TGM6: variants seen among roughly 807,000 people sequenced by gnomAD.
The protein encoded by TGM6 is transglutaminase 6.
Under a neutral mutation model 77.5 loss-of-function variants are expected in TGM6, and 74 were observed. That is an observed-to-expected ratio of 0.96 (90% CI 0.79 to 1.16). TGM6 has a LOEUF of 1.16. Among genes scored for constraint, TGM6 ranks in the 50% most tolerant of loss-of-function variants. The probability of loss-of-function intolerance (pLI) is 0.00; values close to 1 mark genes in which losing one functional copy is unlikely to be tolerated. For missense variants in TGM6, 968 were observed against 940.2 expected, an observed-to-expected ratio of 1.03 and a Z score of -0.39; for synonymous variants, 383 against 378.9, an observed-to-expected ratio of 1.01 and a Z score of -0.12.
intron 1 of TGM6, among the ~76,000 whole-genome samples, chr20:2,388,966 T>A (rs1213157637): frequency 6.6e-6 from 1 of 152,176 alleles, no homozygotes; most frequent in East Asian, 1.9e-4. Context: ...TCAGTATACA[T>A]CTCAGCTCAA....
chr20:2,382,329 T>C (rs562239827), intron 1 of TGM6, among the ~76,000 whole-genome samples: 44 of 152,168 alleles, frequency 2.9e-4, no homozygotes, highest in African/African-American at 1.0e-3. Flanking sequence ...AGAGCTGGGG[T>C]TGCCTCCCTG....
Position 2,399,638 on chromosome 20 carries a change from C to G in TGM6, c.750C>G (p.His250Gln). The change falls in exon 6 of 13, where the codon CAC (histidine) becomes CAG (glutamine). Residue 250 changes from histidine to glutamine, a missense_variant. Coordinates refer to ENST00000202625, the MANE Select transcript of TGM6 (RefSeq NM_198994.3). ...ACGGCGGCGGCACCAGCCCGCTGCA[C>G]TGGCGCGGCAGCGTGGCCATTCTGC... is the stretch of plus-strand genomic sequence containing the variant. ...GKYGGGTSPLHWRGSVAILQK... is the reference protein window; with the variant it reads ...GKYGGGTSPLQWRGSVAILQK... 6.2e-7 allele frequency: 1 copy of G among 1,613,744 alleles called. No homozygotes were observed.
At chr20:2,406,632 T>TTGAG (rs1411233315) in intron 9 of TGM6, among the ~76,000 whole-genome samples, 7 of 151,062 alleles carry the variant, frequency 4.6e-5, no homozygotes, top group African/African-American at 1.7e-4. Flanking sequence ...GGTCAAGAGT[T>TTGAG]CGAGACCAGC....
At chr20:2,383,295 G>T (rs977906344) in intron 1 of TGM6, among the ~76,000 whole-genome samples, 1 of 152,240 alleles carries the variant, frequency 6.6e-6, no homozygotes, top group Non-Finnish European at 1.5e-5. Context: ...AAAGAATTGG[G>T]GAGGATTGTA....
chr20:2,388,682 G>A (rs1350519795), intron 1 of TGM6, among the ~76,000 whole-genome samples: 1 of 151,296 alleles, frequency 6.6e-6, no homozygotes, highest in African/African-American at 2.4e-5. Context: ...CTGTGACATT[G>A]AGTTAACAGC....
intron 1 of TGM6, among the ~76,000 whole-genome samples, chr20:2,387,789 C>T (rs528894220): frequency 3.3e-5 from 5 of 152,346 alleles, no homozygotes; most frequent in Non-Finnish European, 5.9e-5. Context: ...GGGCAGAGCT[C>T]GGCAGGGACA....
Position 2,395,363 on chromosome 20 carries a change from G to A in TGM6, c.351G>A (p.Arg117=), listed in dbSNP as rs2122348026. The A allele has an allele frequency of 6.2e-7, 1 of 1,614,248 alleles. No individual in the cohort carries two copies. The highest frequency in any genetic ancestry group is 8.5e-7 in the Non-Finnish European group (1 of 1,180,046). ...AVIGRYLLSI[R]LSSHRKHSNR... is the part of the protein sequence containing the mutation. ...TTGGCCGCTACCTGCTGAGCATCAGGCTTTCCTCTCACCGCAAACACAGCA... is the reference window on the plus strand; with the variant it reads ...TTGGCCGCTACCTGCTGAGCATCAGACTTTCCTCTCACCGCAAACACAGCA... Residue 117 remains arginine, a synonymous_variant, in exon 3 of 13, where the codon AGG becomes AGA. Coordinates refer to ENST00000202625, the MANE Select transcript of TGM6 (RefSeq NM_198994.3).
chr20:2,426,406 T>A (rs2084888039), intron 10 of TGM6, among the ~76,000 whole-genome samples: 1 of 152,194 alleles, frequency 6.6e-6, no homozygotes, highest in South Asian at 2.1e-4. Context: ...TTTTTGTTTG[T>A]TGTTGTTGAC....
At chr20:2,388,341 GA>G (rs1269045837) in intron 1 of TGM6, among the ~76,000 whole-genome samples, 1 of 152,212 alleles carries the variant, frequency 6.6e-6, no homozygotes, top group Non-Finnish European at 1.5e-5. Flanking sequence ...TGCCTGTGGT[GA>G]AGCTCACGTT....
chr20:2,432,022 T>C (rs556022933), intron 12 of TGM6, among the ~76,000 whole-genome samples: 60 of 152,176 alleles, frequency 3.9e-4, no homozygotes, highest in African/African-American at 1.4e-3. Flanking sequence ...GAAAATTAAA[T>C]TGGAAATATG....
rs762770561 is a variant in TGM6, at chr20:2,417,334, GTC to G, written c.1443_1444del (p.Trp482AlafsTer2). The G allele has an allele frequency of 2.5e-6, 4 of 1,613,946 alleles. No homozygotes were observed. The African/African-American group carries it at 5.3e-5, about 22-fold the overall frequency. Reference sequence around the variant, plus strand: ...TGGATCCGCAGGGCTGGGGGTCGCTGTCTCTGGCGTGACGACCTCCTGGAGCC... The same window carrying G: ...TGGATCCGCAGGGCTGGGGGTCGCTGTCTGGCGTGACGACCTCCTGGAGCC... On this transcript the variant is annotated frameshift_variant, in exon 10 of 13. Transcript: ENST00000202625. LOFTEE classifies it high-confidence loss of function.
At position 2,388,591 on chromosome 20, in the gene TGM6, G is replaced by A. The variant is rs199700077; in HGVS notation, c.8-5861G>A. ...GTTGGAGACCAGCCTGGTCAACATA[G>A]CAAGACCCTATCTCAAATTAAAAAC... On this transcript the variant is annotated intron_variant, in intron 1 of 12. Transcript: ENST00000202625. Among the ~76,000 whole-genome samples, 5 of 146,678 alleles carry A rather than the reference G, an allele frequency of 3.4e-5. No homozygotes were observed. The East Asian group carries it at 5.9e-4, about 17-fold the overall frequency.
chr20:2,395,847 C>A (rs2084661773), intron 3 of TGM6, among the ~76,000 whole-genome samples: 1 of 152,164 alleles, frequency 6.6e-6, no homozygotes, highest in Non-Finnish European at 1.5e-5. Flanking sequence ...CATCATAAGG[C>A]CTTAGTAAGG....
intron 9 of TGM6, among the ~76,000 whole-genome samples, chr20:2,414,627 T>C (rs1328628525): frequency 6.6e-6 from 1 of 152,154 alleles, no homozygotes; most frequent in Non-Finnish European, 1.5e-5. Flanking sequence ...ATAGAAACAC[T>C]ATTTAAAATA....
At chr20:2,395,567 A>T in intron 3 of TGM6, 131 bp downstream of exon 3, 2 of 1,534,166 alleles carry the variant, frequency 1.3e-6, no homozygotes, top group Non-Finnish European at 1.8e-6. Context: ...GCAAGAACTT[A>T]GCCTAGGCAG....
chr20:2,400,528 G>A (rs1377720136), intron 7 of TGM6, 84 bp downstream of exon 7: 6 of 1,592,222 alleles, frequency 3.8e-6, no homozygotes, highest in Non-Finnish European at 3.4e-6. Flanking sequence ...ACACCACCAG[G>A]GAGCGGCAGG....
At chr20:2,411,417 C>A (rs888616873) in intron 9 of TGM6, among the ~76,000 whole-genome samples, 1 of 151,426 alleles carries the variant, frequency 6.6e-6, no homozygotes, top group Non-Finnish European at 1.5e-5. Context: ...TCAATAGATG[C>A]AGAAAAAGCA....
At chr20:2,388,456 C>T (rs546619784) in intron 1 of TGM6, among the ~76,000 whole-genome samples, 1 of 152,236 alleles carries the variant, frequency 6.6e-6, no homozygotes, top group East Asian at 1.9e-4. Context: ...AGGCAGATTC[C>T]CAGCTCCATC....
At chr20:2,402,782 T>C (rs559046898) in intron 7 of TGM6, among the ~76,000 whole-genome samples, 2 of 152,338 alleles carry the variant, frequency 1.3e-5, no homozygotes, top group African/African-American at 4.8e-5. Context: ...CCAGAGTCTA[T>C]GGTGCTCTGC....
Sources: gnomAD v4.1 joint callset for allele counts (sites outside exome capture counted in the v4.1 genomes callset) on GRCh38, gnomAD v4.1.1 for gene constraint, MANE v1.5 for transcripts, NCBI Gene and HGNC (gene_info 2026-07-23, HGNC 2026-07-21) for gene names.